UNKL: variants seen among roughly 807,000 people sequenced by gnomAD.
The protein encoded by UNKL is unk like zinc finger, also known as putative E3 ubiquitin-protein ligase UNKL.
In UNKL, 60 loss-of-function variants were observed where a neutral mutation model predicts 78.0. The ratio of observed to expected loss-of-function variants is 0.77; its 90% CI spans 0.63 to 0.95. The LOEUF (loss-of-function observed/expected upper bound fraction) is 0.95. Ranked by LOEUF, UNKL falls within the 40% of genes least tolerant of loss-of-function variation. The pLI is 0.00. For missense variants in UNKL, 1,159 were observed against 1,045.7 expected (o/e 1.11, Z -1.49); for synonymous variants, 608 against 474.8 (o/e 1.28, Z -3.65).
chr16:1,381,341 C>G (rs149282963), intron 10 of UNKL, among the ~76,000 whole-genome samples: 1 of 152,132 alleles, frequency 6.6e-6, no homozygotes, highest in Non-Finnish European at 1.5e-5. Flanking sequence ...AATAAGTGAC[C>G]GGGTGTGGTG....
At chr16:1,378,395 A>G (rs2036394443) in intron 10 of UNKL, among the ~76,000 whole-genome samples, 1 of 152,144 alleles carries the variant, frequency 6.6e-6, no homozygotes, top group South Asian at 2.1e-4. Flanking sequence ...GCCCCTTCAG[A>G]GCTCACCGCC....
intron 7 of UNKL, 38 bp downstream of exon 7, chr16:1,394,093 C>A (rs2037160179): frequency 1.3e-6 from 2 of 1,541,404 alleles, no homozygotes; most frequent in Middle Eastern, 1.7e-4. Context: ...AGCCGCGGAA[C>A]CTGCTAAGGT....
chr16:1,381,240 G>A (rs965640745), intron 10 of UNKL, among the ~76,000 whole-genome samples: 1 of 152,188 alleles, frequency 6.6e-6, no homozygotes, highest in Non-Finnish European at 1.5e-5. Context: ...ATATTTTTCT[G>A]CTATGCTCAA....
chr16:1,405,498 C>A (rs1350068086), intron 2 of UNKL, among the ~76,000 whole-genome samples: 1 of 151,960 alleles, frequency 6.6e-6, no homozygotes, highest in Non-Finnish European at 1.5e-5. Context: ...ATTACTTGAA[C>A]CCGGGAGGCG....
intron 9 of UNKL, among the ~76,000 whole-genome samples, chr16:1,389,510 G>A (rs759184862): frequency 1.3e-5 from 2 of 152,202 alleles, no homozygotes; most frequent in Admixed American, 6.5e-5. Context: ...TGGGAGTCCC[G>A]GGCTGCAGTG....
At chr16:1,398,519 T>TC in intron 5 of UNKL, 1 of 1,303,426 alleles carries the variant, frequency 7.7e-7, no homozygotes, top group East Asian at 3.7e-5. Flanking sequence ...GGGGCGTCCT[T>TC]CCCAAAGGAA....
intron 10 of UNKL, among the ~76,000 whole-genome samples, chr16:1,382,530 T>G (rs1264943126): frequency 6.6e-6 from 1 of 152,058 alleles, no homozygotes; most frequent in Non-Finnish European, 1.5e-5. Context: ...CATGGCCTCC[T>G]GAGGGAGGGA....
Position 1,367,762 on chromosome 16 carries a change from G to C in UNKL, c.1682C>G (p.Ser561Trp). The change falls in exon 13 of 15, where the codon TCG (serine) becomes TGG (tryptophan). Residue 561 changes from serine (S) to tryptophan (W), a missense_variant. Coordinates refer to ENST00000389221, the MANE Select transcript of UNKL (RefSeq NM_001372107.1). ...PILSAGPPSS[S>W]SASPNGAELA... ...CTCAGCTCCGTTTGGACTTGCACTC[G>C]AAGAGGATGGGGGGCCGGCACTCAG... 6.4e-7 allele frequency: 1 copy of C among 1,573,918 alleles called. No individual in the cohort carries two copies. Among genetic ancestry groups the C allele is most frequent in the Non-Finnish European group, 8.6e-7 (1 of 1,160,344 alleles).
chr16:1,374,929 G>A (rs1459823656), intron 10 of UNKL, among the ~76,000 whole-genome samples: 2 of 152,226 alleles, frequency 1.3e-5, no homozygotes, highest in Admixed American at 6.5e-5. Context: ...GAAGAAGAAC[G>A]CTGCCCTAGC....
In UNKL at chr16:1,366,077, C is replaced by A; in HGVS notation, c.*163G>T. ...CGTGTGACAGGAAAGGCTGTCAGGC[C>A]AAGCGCAGGCGGGGCTCCCAGCCTC... is the stretch of plus-strand genomic sequence containing the variant. On this transcript the variant is annotated 3_prime_UTR_variant, in exon 15 of 15. Coordinates refer to ENST00000389221, the MANE Select transcript of UNKL (RefSeq NM_001372107.1). 2 of 798,576 alleles carry A rather than the reference C, an allele frequency of 2.5e-6. No homozygotes were observed. Among genetic ancestry groups the A allele is most frequent in the Non-Finnish European group, 3.6e-6 (2 of 553,428 alleles). 49.5% of individuals were successfully genotyped at this position (798,576 alleles called of 1,614,324 possible).
intron 6 of UNKL, 100 bp from the exon 7 acceptor site, chr16:1,394,315 CG>C (rs1331052034): frequency 7.3e-7 from 1 of 1,373,202 alleles, no homozygotes; most frequent in Non-Finnish European, 1.0e-6. Context: ...AGCTCCAAAT[CG>C]TAACAAGACA....
rs769619539 is a variant in UNKL at position 1,413,902 on chromosome 16, G to A, written c.231C>T (p.Pro77=). The A allele has an allele frequency of 1.9e-6, 3 of 1,558,902 alleles. No individual in the cohort carries two copies. Among genetic ancestry groups the A allele is most frequent in the South Asian group, 2.4e-5 (2 of 84,698 alleles). Residue 77 remains proline, a synonymous_variant, in exon 2 of 15, where the codon CCC becomes CCT. Coordinates refer to ENST00000389221, the MANE Select transcript of UNKL (RefSeq NM_001372107.1). ...RRRDGTFNYS[P]DVYCSKYNEA... ...CGTTGTACTTGGAGCAGTACACGTC[G>A]GGGCTGTAGTTGAAGGTGCCGTCGC...
At chr16:1,398,694 C>CCCCCCCCCCCCCAA in intron 5 of UNKL, 1 of 1,227,606 alleles carries the variant, frequency 8.1e-7, no homozygotes, top group Non-Finnish European at 1.0e-6. Flanking sequence ...CCCCCACCCC[C>CCCCCCCCCCCCCAA]CTCTCAGGTG....
In UNKL at chr16:1,392,744, G is replaced by C. The variant is rs540938246; in HGVS notation, c.1023+147C>G. 1.3e-5 allele frequency: 13 copies of C among 984,282 alleles called. No homozygotes were observed. In the East Asian group the frequency reaches 3.4e-4, roughly 26 times the overall value. 61.0% of individuals were successfully genotyped at this position (984,282 alleles called of 1,614,324 possible). ...GCCACTGCCCCCAGCCTAGTGGCAA[G>C]GATTTTTCTAGACTCTTCTAGAAGA... On this transcript the variant is annotated intron_variant, in intron 8 of 14. Coordinates refer to ENST00000389221, the MANE Select transcript of UNKL (RefSeq NM_001372107.1).
At position 1,363,335 on chromosome 16, in the gene UNKL, A is replaced by G. The variant is rs2034983223; in HGVS notation, c.*2905T>C. ...AACTTTAAACAGTTCGCTACAAGTAAATGATTATAAATACTACCTTCTGGG... is the reference window on the plus strand; with the variant it reads ...AACTTTAAACAGTTCGCTACAAGTAGATGATTATAAATACTACCTTCTGGG... On this transcript the variant is annotated 3_prime_UTR_variant, in exon 15 of 15. Coordinates refer to ENST00000389221, the MANE Select transcript of UNKL (RefSeq NM_001372107.1). 2 of 508,736 alleles carry G rather than the reference A, an allele frequency of 3.9e-6. No homozygotes were observed. Among genetic ancestry groups the G allele is most frequent in the Non-Finnish European group, 7.1e-6 (2 of 280,522 alleles). 31.5% of individuals were successfully genotyped at this position (508,736 alleles called of 1,614,324 possible).
intron 12 of UNKL, among the ~76,000 whole-genome samples, chr16:1,368,437 CT>C (rs1285088441): frequency 3.3e-5 from 5 of 151,642 alleles, no homozygotes; most frequent in African/African-American, 1.2e-4. Flanking sequence ...CCCGTCTCTA[CT>C]AAAAATACAA....
Position 1,392,996 on chromosome 16 carries a change from G to C in UNKL, c.938-20C>G, listed in dbSNP as rs538353027. The C allele has an allele frequency of 5.2e-6, 8 of 1,550,054 alleles. No individual in the cohort carries two copies. The African/African-American group carries it at 1.1e-4, about 21-fold the overall frequency. ...GGCTCTCTGCAAGGACAGGGGAGCA[G>C]CAGACTCTGAGGGCCGCTGGTGGGC... On this transcript the variant is annotated intron_variant, in intron 7 of 14. Coordinates refer to ENST00000389221, the MANE Select transcript of UNKL (RefSeq NM_001372107.1).
Position 1,371,569 on chromosome 16 carries a change from G to T in UNKL, c.1307C>A (p.Ser436Tyr), listed in dbSNP as rs373847655. The T allele has an allele frequency of 4.6e-6, 7 of 1,536,182 alleles. No homozygotes were observed. The East Asian group carries it at 9.8e-5, about 21-fold the overall frequency. Residue 436 changes from serine to tyrosine, a missense_variant, in exon 11 of 15, where the codon TCC (serine) becomes TAC (tyrosine). Physicochemically the swap from Ser to Tyr is moderately radical, Grantham distance 144 (BLOSUM62 -2). Transcript: ENST00000389221. ...TTGCTCTTCCAGGTCCTTCTCTAGG[G>T]ATGCAATATTCACATTGCTAAGATG... is the stretch of plus-strand genomic sequence containing the variant. ...DLHLSNVNIASLEKDLEEQDG... is the reference protein window; with the variant it reads ...DLHLSNVNIAYLEKDLEEQDG...
rs981833590 is a variant in UNKL, at chr16:1,376,402, C to T, written c.1265-4791G>A. Among the ~76,000 whole-genome samples, 3 of 151,350 alleles carry T rather than the reference C, an allele frequency of 2.0e-5. 1 individual carries two copies. Among genetic ancestry groups the T allele is most frequent in the Admixed American group, 6.6e-5 (1 of 15,236 alleles). ...CCTCCAGGGCTGGGGCACTCCTCCT[C>T]CCTCCTCTGAGGGCTTGGGGATGCT... On this transcript the variant is annotated intron_variant, in intron 10 of 14. Transcript: ENST00000389221.
Sources: allele counts gnomAD v4.1 joint callset (sites outside exome capture counted in the v4.1 genomes callset), GRCh38; gene constraint gnomAD v4.1.1; transcripts MANE v1.5; gene names NCBI Gene and HGNC (gene_info 2026-07-23, HGNC 2026-07-21).